Variants in CALN1 observed in about 807,000 individuals in gnomAD.
CALN1 encodes calneuron 1.
CALN1 carries 17 observed loss-of-function variants against 30.6 expected under a neutral mutation model. That is an observed-to-expected ratio of 0.56 (90% CI 0.38 to 0.83). CALN1 has a LOEUF of 0.83. CALN1 is among the 40% of genes least tolerant of loss of function. CALN1 has a pLI of 0.00. For synonymous variants in CALN1, 156 were observed against 131.4 expected, an observed-to-expected ratio of 1.19 and a Z score of -1.28; for missense variants, 291 against 354.9, an observed-to-expected ratio of 0.82 and a Z score of 1.45.
intron 2 of CALN1, among the ~76,000 whole-genome samples, chr7:72,378,558 T>C (rs1804700750): frequency 1.3e-5 from 2 of 152,336 alleles, no homozygotes; most frequent in Non-Finnish European, 2.9e-5. Flanking sequence ...TCAAGTAGAA[T>C]GTAAAAATCT....
chr7:71,851,896 G>A (rs1239599943), intron 5 of CALN1, among the ~76,000 whole-genome samples: 2 of 152,118 alleles, frequency 1.3e-5, no homozygotes, highest in African/African-American at 4.8e-5. Context: ...GTTAATTAAG[G>A]GAGAGCTCAG....
At chr7:72,325,594 T>C (rs1801213970) in intron 2 of CALN1, among the ~76,000 whole-genome samples, 3 of 152,022 alleles carry the variant, frequency 2.0e-5, no homozygotes. Context: ...AGATTGAAAC[T>C]CTGTCTCGAA....
At chr7:72,042,693 G>A (rs1802205101) in intron 4 of CALN1, among the ~76,000 whole-genome samples, 1 of 152,076 alleles carries the variant, frequency 6.6e-6, no homozygotes, top group South Asian at 2.1e-4. Context: ...CTCTGATTGT[G>A]TCACTGCACT....
At chr7:71,857,329 C>T (rs577408964) in intron 5 of CALN1, among the ~76,000 whole-genome samples, 72 of 152,254 alleles carry the variant, frequency 4.7e-4, no homozygotes, top group African/African-American at 1.7e-3. Flanking sequence ...CCGCCTCTGG[C>T]ACTGTCATAT....
intron 5 of CALN1, among the ~76,000 whole-genome samples, chr7:71,944,610 A>G (rs927623026): frequency 2.0e-4 from 30 of 151,544 alleles, no homozygotes; most frequent in African/African-American, 6.5e-4. Flanking sequence ...AAAAAAAAAA[A>G]AAAAAAAGAA....
chr7:72,479,372 A>G, the CALN1 span, among the ~76,000 whole-genome samples: 56 of 152,238 alleles, frequency 3.7e-4, no homozygotes, highest in African/African-American at 1.2e-3. Flanking sequence ...ACAGTATCCT[A>G]TAGACAGATG....
At chr7:71,930,634 A>G (rs1429203076) in intron 5 of CALN1, among the ~76,000 whole-genome samples, 1 of 152,110 alleles carries the variant, frequency 6.6e-6, no homozygotes, top group African/African-American at 2.4e-5. Context: ...ATTTGCTCCT[A>G]TATTTACTTC....
intron 2 of CALN1, among the ~76,000 whole-genome samples, chr7:72,385,009 C>T (rs547950976): frequency 6.6e-6 from 1 of 152,190 alleles, no homozygotes; most frequent in Admixed American, 6.5e-5. Context: ...TGAACATACT[C>T]CTCCGCAAGA....
At chr7:71,995,804 C>T (rs1799221894) in intron 5 of CALN1, among the ~76,000 whole-genome samples, 1 of 151,700 alleles carries the variant, frequency 6.6e-6, no homozygotes, top group South Asian at 2.1e-4. Context: ...GTTGAATCCA[C>T]TATACTGTTG....
chr7:71,866,583 C>A (rs1296822697), intron 5 of CALN1, among the ~76,000 whole-genome samples: 1 of 151,958 alleles, frequency 6.6e-6, no homozygotes, highest in African/African-American at 2.4e-5. Context: ...GAATTGTAAG[C>A]CTTTTAGCAA....
chr7:71,979,179 C>T (rs1423902304), intron 5 of CALN1, among the ~76,000 whole-genome samples: 1 of 152,162 alleles, frequency 6.6e-6, no homozygotes, highest in Non-Finnish European at 1.5e-5. Flanking sequence ...CCCAACTTGG[C>T]ACCAGGGACT....
intron 3 of CALN1, among the ~76,000 whole-genome samples, chr7:72,243,871 G>A (rs140128769): frequency 1.3e-3 from 205 of 152,288 alleles, no homozygotes; most frequent in Non-Finnish European, 2.4e-3. Context: ...TGGAAATACT[G>A]CTGAAACATA....
chr7:72,382,416 AGACT>A (rs1208477259), intron 2 of CALN1, among the ~76,000 whole-genome samples: 1 of 152,240 alleles, frequency 6.6e-6, no homozygotes, highest in Non-Finnish European at 1.5e-5. Context: ...AGTGAGTGAC[AGACT>A]GTCAGAAAAA....
At chr7:71,809,297 T>C (rs939475162) in intron 6 of CALN1, among the ~76,000 whole-genome samples, 1 of 151,862 alleles carries the variant, frequency 6.6e-6, no homozygotes, top group Non-Finnish European at 1.5e-5. Flanking sequence ...TGGGTTTGCA[T>C]GGACAGTTCT....
Position 72,440,159 on chromosome 7 carries a change from G to A in CALN1, c.-226+6883C>T, listed in dbSNP as rs980779185. On this transcript the variant is annotated intron_variant, in intron 1 of 6. Transcript: ENST00000395276. ...AGACAAATGGTTAATGTCAGTCCCC[G>A]GAGAGAGAACCAACTGGAAATGATC... Among the ~76,000 whole-genome samples the A allele has an allele frequency of 6.6e-5, 10 of 152,268 alleles. No homozygotes were observed. In the South Asian group the frequency reaches 8.3e-4, roughly 13 times the overall value.
chr7:72,307,935 G>C (rs1381566203), intron 2 of CALN1, among the ~76,000 whole-genome samples: 2 of 152,048 alleles, frequency 1.3e-5, no homozygotes, highest in African/African-American at 4.8e-5. Flanking sequence ...CCAAGAGGGT[G>C]AGTTCACCAG....
intron 3 of CALN1, among the ~76,000 whole-genome samples, chr7:72,228,587 G>A (rs991853155): frequency 2.6e-5 from 4 of 151,774 alleles, no homozygotes; most frequent in African/African-American, 4.8e-5. Flanking sequence ...TACTCTCTGA[G>A]CCTCAGTTTC....
rs1554408430 is a variant in CALN1, at chr7:72,437,940, C to CCCTTCCTTCCCTCTCTCCCTT, written c.-226+9101_-226+9102insAAGGGAGAGAGGGAAGGAAGG. ...CCCTCTCTCCCTTCCTTCCCTCTCT[C>CCCTTCCTTCCCTCTCTCCCTT]CCTTCCTTCCTTCCTTCCTTCTTTC... On this transcript the variant is annotated intron_variant, in intron 1 of 6. Coordinates refer to the CALN1 transcript ENST00000395276. Among the ~76,000 whole-genome samples, 909 of 145,968 alleles carry CCCTTCCTTCCCTCTCTCCCTT rather than the reference C, an allele frequency of 6.2e-3. 15 individuals carry two copies. Among genetic ancestry groups the CCCTTCCTTCCCTCTCTCCCTT allele is most frequent in the African/African-American group, 0.022 (870 of 38,824 alleles).
chr7:72,296,750 T>C (rs1480533759), intron 2 of CALN1, among the ~76,000 whole-genome samples: 1 of 150,980 alleles, frequency 6.6e-6, no homozygotes, highest in Non-Finnish European at 1.5e-5. Flanking sequence ...GATTCTTCTC[T>C]CTTTTTTTAT....
Sources: allele counts gnomAD v4.1 joint callset (sites outside exome capture counted in the v4.1 genomes callset), GRCh38; gene constraint gnomAD v4.1.1; transcripts MANE v1.5; gene names NCBI Gene and HGNC (gene_info 2026-07-23, HGNC 2026-07-21).